Variants in R3HDM1 observed in about 807,000 individuals in gnomAD.
R3HDM1 encodes the protein R3H domain-containing protein 1.
A neutral mutation model predicts 141.1 loss-of-function variants in R3HDM1; 46 were observed. The ratio of observed to expected loss-of-function variants is 0.33; its 90% confidence interval spans 0.26 to 0.42. R3HDM1 has a LOEUF of 0.42. R3HDM1 is among the 10% of genes least tolerant of loss of function. The pLI is 1.00. For synonymous variants in R3HDM1, 435 were observed against 472.9 expected, an observed-to-expected ratio of 0.92 and a Z score of 1.04; for missense variants, 1,184 against 1,368.3, an observed-to-expected ratio of 0.87 and a Z score of 2.12.
At chr2:135,707,870 A>G (rs1020830820) in intron 21 of R3HDM1, among the ~76,000 whole-genome samples, 1 of 152,200 alleles carries the variant, frequency 6.6e-6, no homozygotes, top group Admixed American at 6.5e-5. Context: ...TTTCTATTAA[A>G]TCCTCCCTTT....
Position 135,550,067 on chromosome 2 carries a change from A to G in R3HDM1, c.-250+18434A>G, listed in dbSNP as rs537840396. 4.1e-6 allele frequency: 4 copies of G among 984,606 alleles called. No homozygotes were observed. The South Asian group carries it at 1.9e-4, about 46-fold the overall frequency. 61.0% of individuals were successfully genotyped at this position (984,606 alleles called of 1,614,324 possible). A position where few individuals can be genotyped will look rare whatever the true frequency, so the allele number is the denominator to read the frequency against. Reference sequence around the variant, plus strand: ...GACCCAAGTTTAAAATCTTTTCATGATCTGGAATGTCTTTTCCAGCTGAAG... The same window carrying G: ...GACCCAAGTTTAAAATCTTTTCATGGTCTGGAATGTCTTTTCCAGCTGAAG... On this transcript the variant is annotated intron_variant, in intron 1 of 26. Coordinates refer to ENST00000683871, the MANE Select transcript of R3HDM1 (RefSeq NM_001378107.1).
intron 1 of R3HDM1, among the ~76,000 whole-genome samples, chr2:135,534,360 AAATTGTTACAACCATATGTGACT>A (rs1252956554): frequency 6.6e-6 from 1 of 152,230 alleles, no homozygotes. Flanking sequence ...AAATCATTTG[AAATTGTTACAACCATATGTGACT>A]ACAGTTTTGT....
At chr2:135,575,330 C>A (rs1705154928) in intron 1 of R3HDM1, among the ~76,000 whole-genome samples, 1 of 152,182 alleles carries the variant, frequency 6.6e-6, no homozygotes, top group Non-Finnish European at 1.5e-5. Flanking sequence ...TTACAGGCAC[C>A]TGTCCCCACA....
intron 16 of R3HDM1, among the ~76,000 whole-genome samples, chr2:135,648,790 A>C (rs935865451): frequency 6.6e-6 from 1 of 151,758 alleles, no homozygotes; most frequent in Non-Finnish European, 1.5e-5. Flanking sequence ...AAAAAAAAAA[A>C]AAACACCTGT....
intron 18 of R3HDM1, among the ~76,000 whole-genome samples, chr2:135,657,432 G>GT (rs1395297602): frequency 6.6e-6 from 1 of 150,964 alleles, no homozygotes; most frequent in African/African-American, 2.4e-5. Context: ...AAAAAGATAC[G>GT]TTTTTTAATT....
rs971706843 is a variant in R3HDM1, at chr2:135,710,140, C to T, written c.2645C>T (p.Ser882Leu). 5.0e-6 allele frequency: 8 copies of T among 1,613,912 alleles called. No homozygotes were observed. In the South Asian group the frequency reaches 8.8e-5, roughly 18 times the overall value. The change falls in exon 23 of 27, where the codon TCA (serine) becomes TTA (leucine). Residue 882 changes from serine (S) to leucine (L), a missense_variant. By Grantham distance (145) the Ser-to-Leu change is moderately radical. Around this residue, in one of 5 missense-constraint regions of R3HDM1, gnomAD observed 563 missense variants for 562.0 expected, o/e 1.00. Coordinates refer to ENST00000683871, the MANE Select transcript of R3HDM1 (RefSeq NM_001378107.1). The part of the protein sequence containing the change: ...VPNNPQSCAH[S>L]PPQWKQNKYY... ...AACAATCCACAATCTTGTGCCCACT[C>T]ACCCCCGCAGTGGAAACAAAACAAA...
intron 2 of R3HDM1, among the ~76,000 whole-genome samples, chr2:135,603,377 GT>G (rs1215988775): frequency 1.3e-5 from 2 of 151,668 alleles, no homozygotes; most frequent in African/African-American, 2.4e-5. Flanking sequence ...AGTTTCACTG[GT>G]TTCCCCCCCG....
intron 25 of R3HDM1, 87 bp downstream of exon 25, chr2:135,722,093 T>C: frequency 2.3e-6 from 3 of 1,289,154 alleles, no homozygotes; most frequent in Non-Finnish European, 3.4e-6. Context: ...GCCCACCTGT[T>C]GGCACTGCCC....
intron 21 of R3HDM1, among the ~76,000 whole-genome samples, chr2:135,709,172 T>C (rs530141030): frequency 6.6e-6 from 1 of 151,250 alleles, no homozygotes; most frequent in East Asian, 2.0e-4. Context: ...CTCCTGGGTT[T>C]ACACCATTCT....
chr2:135,595,894 G>T (rs1349353506), intron 1 of R3HDM1, among the ~76,000 whole-genome samples: 2 of 152,294 alleles, frequency 1.3e-5, no homozygotes, highest in South Asian at 2.1e-4. Context: ...CTAGAACAGG[G>T]TTAATCTATA....
intron 1 of R3HDM1, chr2:135,561,470 G>A (rs1265361453): frequency 1.0e-5 from 5 of 493,086 alleles, no homozygotes; most frequent in East Asian, 1.5e-4. Flanking sequence ...AAATCCCAGC[G>A]CTTTGGTAGG....
intron 7 of R3HDM1, among the ~76,000 whole-genome samples, chr2:135,630,344 AT>A (rs1299686357): frequency 6.6e-6 from 1 of 150,468 alleles, no homozygotes; most frequent in Non-Finnish European, 1.5e-5. Flanking sequence ...TTCTACTATC[AT>A]ATACTGAGTA....
intron 23 of R3HDM1, among the ~76,000 whole-genome samples, chr2:135,714,724 C>T (rs947539182): frequency 1.3e-5 from 2 of 149,960 alleles, no homozygotes; most frequent in African/African-American, 4.9e-5. Flanking sequence ...TCAAACAGTT[C>T]CAAAAAACAC....
At chr2:135,661,167 G>A in intron 18 of R3HDM1, 103 bp from the exon 19 acceptor site, 1 of 1,381,416 alleles carries the variant, frequency 7.2e-7, no homozygotes, top group African/African-American at 1.4e-5. Flanking sequence ...CCAATGATTA[G>A]TGCTAAAAAG....
chr2:135,624,463 A>G (rs541683572), intron 7 of R3HDM1, among the ~76,000 whole-genome samples: 32 of 152,188 alleles, frequency 2.1e-4, no homozygotes, highest in South Asian at 4.2e-4. Flanking sequence ...GCCATATCCA[A>G]CTATCGTCAG....
At chr2:135,630,611 G>A (rs1277887445) in intron 7 of R3HDM1, among the ~76,000 whole-genome samples, 1 of 152,140 alleles carries the variant, frequency 6.6e-6, no homozygotes, top group African/African-American at 2.4e-5. Context: ...AGAATCAAAT[G>A]CAGGTCTGAT....
rs188208212 is a variant in R3HDM1 at position 135,625,881 on chromosome 2, C to T, written c.497+3149C>T. On this transcript the variant is annotated intron_variant, in intron 7 of 26. Coordinates refer to ENST00000683871, the MANE Select transcript of R3HDM1 (RefSeq NM_001378107.1). ...GCTCCATCCCTCTTCCCCCATACTT[C>T]GTTGTATGCATCTCTTCATCTGTAT... 2.1e-3 allele frequency among the ~76,000 whole-genome samples: 319 copies of T among 152,314 alleles called. 4 individuals are homozygous for T. The highest frequency in any genetic ancestry group is 7.5e-3 in the African/African-American group (310 of 41,596).
In R3HDM1 at chr2:135,631,978, A is replaced by G. The variant is rs535527338; in HGVS notation, c.675A>G (p.Val225=). The part of the protein sequence containing the change: ...NVDQSGKSVI[V]NKTSNTRIPD... ...ATCAGAGTGGGAAGTCTGTCATAGT[A>G]AACAAAACTAGCAATACAAGAATGT... is the stretch of plus-strand genomic sequence containing the variant. Residue 225 remains valine, a synonymous_variant, in exon 9 of 27, where the codon GTA becomes GTG. Transcript: ENST00000683871. 6.2e-7 allele frequency: 1 copy of G among 1,608,900 alleles called. No individual in the cohort carries two copies. Among genetic ancestry groups the G allele is most frequent in the African/African-American group, 1.3e-5 (1 of 74,920 alleles).
At chr2:135,609,983 G>A (rs2060383445) in intron 3 of R3HDM1, among the ~76,000 whole-genome samples, 1 of 152,064 alleles carries the variant, frequency 6.6e-6, no homozygotes, top group South Asian at 2.1e-4. Context: ...GATCGAGGTT[G>A]CAGTGAGCTG....
Sources: allele counts gnomAD v4.1 joint callset (sites outside exome capture counted in the v4.1 genomes callset), GRCh38; gene constraint gnomAD v4.1.1; regional missense constraint gnomAD v4.1.1; transcripts MANE v1.5; gene names NCBI Gene and HGNC (gene_info 2026-07-23, HGNC 2026-07-21).